Variants in GCNT1 observed in about 807,000 individuals in gnomAD.
The protein encoded by GCNT1 is glucosaminyl (N-acetyl) transferase 1.
Under a neutral mutation model 26.2 loss-of-function variants are expected in GCNT1, and 16 were observed. The observed-to-expected ratio is 0.61, with a 90% CI of 0.41 to 0.93. The LOEUF (loss-of-function observed/expected upper bound fraction) is 0.93. Ranked by LOEUF, GCNT1 falls within the 40% of genes least tolerant of loss-of-function variation. The pLI is 0.00. For synonymous variants in GCNT1, 183 were observed against 190.8 expected (o/e 0.96, Z 0.34); for missense variants, 477 against 526.7 (o/e 0.91, Z 0.92).
chr9:76,435,331 T>C (rs1823393405), intron 1 of GCNT1, among the ~76,000 whole-genome samples: 1 of 152,172 alleles, frequency 6.6e-6, no homozygotes, highest in Non-Finnish European at 1.5e-5. Context: ...TTTCTCAGAC[T>C]GGCCAGCAAT....
At chr9:76,478,242 C>T (rs1267651892) in intron 2 of GCNT1, among the ~76,000 whole-genome samples, 3 of 152,206 alleles carry the variant, frequency 2.0e-5, no homozygotes, top group South Asian at 4.1e-4. Flanking sequence ...GTTGGTCACT[C>T]TTTGCGTCCG....
chr9:76,397,003 C>G, the GCNT1 span, among the ~76,000 whole-genome samples: 1 of 151,948 alleles, frequency 6.6e-6, no homozygotes, highest in Non-Finnish European at 1.5e-5. Flanking sequence ...ATAAATAGGC[C>G]GGGCGCAGTG....
Position 76,446,177 on chromosome 9 carries a change from A to T in GCNT1, c.-290+3862A>T, listed in dbSNP as rs372280763. ...AGGGGATCATCTATCTAGAAAATTT[A>T]CCCTGGGAAACTGACCTTCAAGTCT... On this transcript the variant is annotated intron_variant, in intron 1 of 2. Coordinates refer to the GCNT1 transcript ENST00000442371. Among the ~76,000 whole-genome samples, 4 of 152,042 alleles carry T rather than the reference A, an allele frequency of 2.6e-5. No homozygotes were observed. In the East Asian group the frequency reaches 5.8e-4, roughly 22 times the overall value.
chr9:76,482,355 TC>T (rs1286794552), intron 2 of GCNT1, among the ~76,000 whole-genome samples: 1 of 150,600 alleles, frequency 6.6e-6, no homozygotes, highest in African/African-American at 2.4e-5. Context: ...GCGTGGTGGC[TC>T]CATGCCTGTG....
At position 76,506,384 on chromosome 9, in the gene GCNT1, GAAA is replaced by G. The variant is rs201265345; in HGVS notation, c.*2724_*2726del. 1 of 162,520 alleles carries G rather than the reference GAAA, an allele frequency of 6.2e-6. No individual in the cohort carries two copies. Among genetic ancestry groups the G allele is most frequent in the Non-Finnish European group, 1.5e-5 (1 of 67,142 alleles). The allele number at this position is 162,520 out of a possible 1,614,324, so 10.1% of individuals were successfully genotyped here. A position where few individuals can be genotyped will look rare whatever the true frequency, so the allele number is the denominator to read the frequency against. On this transcript the variant is annotated 3_prime_UTR_variant, in exon 4 of 4. Transcript: ENST00000376730. ...CGAAACCCCATCTCTACTGAAAATA[GAAA>G]AAAAAAATTAGCCAGGCTTGCACCT...
At chr9:76,496,000 T>A (rs1366635127) in intron 2 of GCNT1, among the ~76,000 whole-genome samples, 1 of 152,194 alleles carries the variant, frequency 6.6e-6, no homozygotes, top group East Asian at 1.9e-4. Flanking sequence ...TATTTAAGCC[T>A]TATTTCTCTT....
the GCNT1 span, among the ~76,000 whole-genome samples, chr9:76,414,483 A>G: frequency 6.6e-6 from 1 of 152,192 alleles, no homozygotes; most frequent in East Asian, 1.9e-4. Context: ...GAAGTAATGA[A>G]ACAAAAGAAT....
At chr9:76,445,714 C>T (rs1823565481) in intron 1 of GCNT1, among the ~76,000 whole-genome samples, 1 of 151,776 alleles carries the variant, frequency 6.6e-6, no homozygotes, top group Admixed American at 6.6e-5. Flanking sequence ...GTGGCTCACA[C>T]CTGTAATCCC....
At chr9:76,488,473 C>T (rs558529363) in intron 2 of GCNT1, among the ~76,000 whole-genome samples, 24 of 152,192 alleles carry the variant, frequency 1.6e-4, no homozygotes, top group Non-Finnish European at 2.6e-4. Flanking sequence ...CTTTATCTTC[C>T]AACCCTTTTA....
the GCNT1 span, among the ~76,000 whole-genome samples, chr9:76,400,197 C>G: frequency 4.6e-5 from 7 of 152,198 alleles, no homozygotes; most frequent in Admixed American, 4.6e-4. Flanking sequence ...TAGAACTATA[C>G]AGCAACAGCA....
intron 2 of GCNT1, among the ~76,000 whole-genome samples, chr9:76,481,426 A>G (rs1399606363): frequency 6.6e-6 from 1 of 150,744 alleles, no homozygotes; most frequent in Non-Finnish European, 1.5e-5. Context: ...TTTTTTTTTA[A>G]GCTCATCAGC....
At chr9:76,398,597 C>A in the GCNT1 span, 1 of 709,042 alleles carries the variant, frequency 1.4e-6, no homozygotes, top group South Asian at 1.6e-5. Flanking sequence ...AAACTTTTAT[C>A]CACACAAAAA....
At position 76,453,314 on chromosome 9, in the gene GCNT1, G is replaced by A. The variant is rs547963481; in HGVS notation, c.-290+10999G>A. 8.5e-5 allele frequency among the ~76,000 whole-genome samples: 13 copies of A among 152,262 alleles called. No homozygotes were observed. In the South Asian group the frequency reaches 2.7e-3, roughly 32 times the overall value. ...GGTAGATGGGTGAAGGAGGTGGACA[G>A]ATTAAATCATTCAAGGCAACAAAAG... On this transcript the variant is annotated intron_variant, in intron 1 of 2. Transcript: ENST00000442371.
At chr9:76,498,998 T>C (rs991084811) in intron 2 of GCNT1, among the ~76,000 whole-genome samples, 1 of 152,138 alleles carries the variant, frequency 6.6e-6, no homozygotes, top group Admixed American at 6.5e-5. Context: ...TTTTCATTTC[T>C]GCCTGAATAT....
chr9:76,420,270 T>G (rs945164238), intron 1 of GCNT1: 1 of 152,164 alleles, frequency 6.6e-6, no homozygotes, highest in Non-Finnish European at 1.5e-5. Flanking sequence ...TGTTTTTATA[T>G]TTCATTTCTA....
chr9:76,433,175 C>A (rs1312435582), intron 1 of GCNT1, among the ~76,000 whole-genome samples: 3 of 152,204 alleles, frequency 2.0e-5, no homozygotes, highest in African/African-American at 7.2e-5. Context: ...GAACTTGGGA[C>A]CCCTCCGAAT....
chr9:76,422,872 T>C (rs115851130), intron 1 of GCNT1, among the ~76,000 whole-genome samples: 17,944 of 152,196 alleles, frequency 0.12, 1,167 homozygotes, highest in Middle Eastern at 0.23. Flanking sequence ...TTTTTTTCAC[T>C]TTTAGTACAA....
At chr9:76,393,988 G>A in the GCNT1 span, 1 of 1,080,746 alleles carries the variant, frequency 9.3e-7, no homozygotes, top group Non-Finnish European at 1.3e-6. Context: ...CTCTCTGCCC[G>A]CGGTCCGGAG....
upstream of GCNT1, among the ~76,000 whole-genome samples, chr9:76,458,509 A>G (rs923050466): frequency 3.9e-5 from 6 of 152,218 alleles, no homozygotes; most frequent in East Asian, 1.2e-3. Context: ...ACATGGAAAC[A>G]AATAAGACCT....
Sources: gnomAD v4.1 joint callset for allele counts (sites outside exome capture counted in the v4.1 genomes callset) on GRCh38, gnomAD v4.1.1 for gene constraint, MANE v1.5 for transcripts, NCBI Gene and HGNC (gene_info 2026-07-23, HGNC 2026-07-21) for gene names.